Variants in AHI1 observed in about 807,000 individuals in gnomAD.
AHI1 encodes jouberin.
In AHI1, 123 loss-of-function variants were observed where a neutral mutation model predicts 149.3. The ratio of observed to expected loss-of-function variants is 0.82; its 90% CI spans 0.71 to 0.96. The LOEUF (loss-of-function observed/expected upper bound fraction) is 0.96. Ranked by LOEUF, AHI1 falls within the 40% of genes least tolerant of loss-of-function variation. The probability of loss-of-function intolerance (pLI) is 0.00; values close to 1 mark genes in which losing one functional copy is unlikely to be tolerated. For missense variants in AHI1, 1,439 were observed against 1,422.7 expected, an observed-to-expected ratio of 1.01 and a Z score of -0.18; for synonymous variants, 475 against 459.8, an observed-to-expected ratio of 1.03 and a Z score of -0.42.
At chr6:135,438,242 T>G (rs1785709509) in intron 15 of AHI1, 133 bp downstream of exon 15, 1 of 769,320 alleles carries the variant, frequency 1.3e-6, no homozygotes, top group African/African-American at 1.8e-5. Context: ...TCAGTCTGCA[T>G]GATGCATATT....
chr6:135,480,702 A>G (rs1793481834), intron 5 of AHI1, among the ~76,000 whole-genome samples: 1 of 152,180 alleles, frequency 6.6e-6, no homozygotes, highest in Non-Finnish European at 1.5e-5. Flanking sequence ...TAATGGGCTA[A>G]CAGATTAGGG....
chr6:135,440,522 C>G lies in AHI1; in HGVS notation c.1913-2024G>C, dbSNP rs376020595. On this transcript the variant is annotated intron_variant, in intron 14 of 28. Transcript: ENST00000265602. ...GGGAATATGCACAACCAAGAAAGAC[C>G]TGACAGGCTTTACTTCTCACTCGGG... Among the ~76,000 whole-genome samples the G allele has an allele frequency of 1.5e-3, 228 of 152,192 alleles. 1 individual carries two copies. The highest frequency in any genetic ancestry group is 5.3e-3 in the African/African-American group (219 of 41,514).
intron 23 of AHI1, among the ~76,000 whole-genome samples, chr6:135,365,220 A>G (rs1417815544): frequency 1.3e-5 from 2 of 152,164 alleles, no homozygotes; most frequent in African/African-American, 4.8e-5. Flanking sequence ...GCTTTATAAT[A>G]TAGTTTGAAG....
chr6:135,446,628 G>A (rs944071113), intron 13 of AHI1, among the ~76,000 whole-genome samples: 4 of 152,138 alleles, frequency 2.6e-5, no homozygotes, highest in Non-Finnish European at 2.9e-5. Flanking sequence ...TAGTGAAGAG[G>A]AGGCGGGCTC....
intron 21 of AHI1, among the ~76,000 whole-genome samples, chr6:135,409,404 T>C (rs577017225): frequency 1.2e-4 from 18 of 152,176 alleles, no homozygotes; most frequent in Non-Finnish European, 2.4e-4. Context: ...TGTATTTCCC[T>C]AGTTTTTAAA....
intron 7 of AHI1, among the ~76,000 whole-genome samples, chr6:135,463,650 A>T (rs1469238909): frequency 6.6e-6 from 1 of 152,230 alleles, no homozygotes; most frequent in Non-Finnish European, 1.5e-5. Context: ...TAAATGATTT[A>T]TCAACCAATT....
chr6:135,444,537 A>T (rs973449015), intron 13 of AHI1, among the ~76,000 whole-genome samples: 1 of 151,998 alleles, frequency 6.6e-6, no homozygotes, highest in Non-Finnish European at 1.5e-5. Flanking sequence ...ACTCACCCCT[A>T]CCTTGAGCAT....
At chr6:135,410,599 G>C (rs79311014) in intron 21 of AHI1, among the ~76,000 whole-genome samples, 2,530 of 152,172 alleles carry the variant, frequency 0.017, 29 homozygotes, top group Middle Eastern at 0.051. Context: ...CTACACTATT[G>C]ATCTGGTATT....
At chr6:135,322,085 G>C (rs890521969) in intron 25 of AHI1, among the ~76,000 whole-genome samples, 5 of 152,230 alleles carry the variant, frequency 3.3e-5, no homozygotes, top group Non-Finnish European at 5.9e-5. Context: ...TTACAGGCGT[G>C]AGCCACAGTG....
rs201885654 is a variant in AHI1, at chr6:135,476,673, ACAGT to A, written c.136-9043_136-9040del. 6.4e-3 allele frequency among the ~76,000 whole-genome samples: 980 copies of A among 152,246 alleles called. 16 individuals are homozygous for A. Among genetic ancestry groups the A allele is most frequent in the African/African-American group, 0.023 (936 of 41,554 alleles). On this transcript the variant is annotated intron_variant, in intron 5 of 28. Coordinates refer to ENST00000265602, the MANE Select transcript of AHI1 (RefSeq NM_001134831.2). ...TGAAGCTTTGTTATGAGTTTCATAC[ACAGT>A]CAGTTATATCCTTGATACTGACACC...
At chr6:135,468,222 A>G (rs921116793) in intron 5 of AHI1, among the ~76,000 whole-genome samples, 2 of 152,160 alleles carry the variant, frequency 1.3e-5, no homozygotes, top group Non-Finnish European at 2.9e-5. Flanking sequence ...AAAATTCACT[A>G]ATCAAATCTA....
chr6:135,335,194 C>A (rs930336387), intron 24 of AHI1, among the ~76,000 whole-genome samples: 12 of 152,124 alleles, frequency 7.9e-5, no homozygotes, highest in Non-Finnish European at 8.8e-5. Context: ...CTGAAATGCT[C>A]ACTAGCTCCA....
intron 28 of AHI1, 151 bp downstream of exon 28, chr6:135,290,272 C>T (rs1447053499): frequency 1.4e-5 from 9 of 625,404 alleles, no homozygotes; most frequent in Admixed American, 5.2e-5. Context: ...TCTCCAAGGT[C>T]GCAAATGGCC....
intron 7 of AHI1, among the ~76,000 whole-genome samples, chr6:135,464,610 C>T (rs1790450301): frequency 6.6e-6 from 1 of 152,150 alleles, no homozygotes; most frequent in South Asian, 2.1e-4. Context: ...CTGTCTTGCT[C>T]TCACTCTCTC....
At chr6:135,477,415 T>A (rs1032171474) in intron 5 of AHI1, among the ~76,000 whole-genome samples, 1 of 152,206 alleles carries the variant, frequency 6.6e-6, no homozygotes, top group African/African-American at 2.4e-5. Context: ...TTTTTAGCTA[T>A]CCTTTTAAAA....
At chr6:135,291,548 A>C (rs1782354616) in intron 27 of AHI1, among the ~76,000 whole-genome samples, 1 of 152,202 alleles carries the variant, frequency 6.6e-6, no homozygotes, top group Admixed American at 6.5e-5. Context: ...ACGGGAAACC[A>C]ATCCTGCTGG....
Position 135,483,565 on chromosome 6 carries a change from C to T in AHI1, c.135+7058G>A, listed in dbSNP as rs113119900. ...CTATCCCCTTTTAAAAGAATGTATA[C>T]GCAACTTCATAAATAATTATAGCTA... On this transcript the variant is annotated intron_variant, in intron 5 of 28. Transcript: ENST00000265602. Among the ~76,000 whole-genome samples, 683 of 152,254 alleles carry T rather than the reference C, an allele frequency of 4.5e-3. 1 individual carries two copies. Among genetic ancestry groups the T allele is most frequent in the African/African-American group, 0.015 (625 of 41,544 alleles).
chr6:135,301,691 G>C (rs972217370), intron 26 of AHI1: 1 of 985,292 alleles, frequency 1.0e-6, no homozygotes, highest in African/African-American at 1.7e-5. Flanking sequence ...TTGGTGAAAG[G>C]TGAGTGTTGC....
chr6:135,326,891 C>T (rs934949080), intron 24 of AHI1, among the ~76,000 whole-genome samples: 9 of 152,144 alleles, frequency 5.9e-5, no homozygotes, highest in South Asian at 2.1e-4. Context: ...CTTCATCCCT[C>T]TCCCACCCTC....
Sources: gnomAD v4.1 joint callset for allele counts (sites outside exome capture counted in the v4.1 genomes callset) on GRCh38, gnomAD v4.1.1 for gene constraint, MANE v1.5 for transcripts, NCBI Gene and HGNC (gene_info 2026-07-23, HGNC 2026-07-21) for gene names.